SOX5: variants seen among roughly 807,000 people sequenced by gnomAD.
SOX5 encodes the protein SRY-box transcription factor 5, also known as transcription factor SOX-5.
In SOX5, 9 loss-of-function variants were observed where a neutral mutation model predicts 92.0. The ratio of observed to expected loss-of-function variants is 0.10; its 90% CI spans 0.06 to 0.17. The LOEUF is 0.17. SOX5 is among the 10% of genes least tolerant of loss of function. The pLI, the probability that SOX5 is intolerant of heterozygous loss-of-function variation, is 1.00. For synonymous variants in SOX5, 344 were observed against 336.3 expected, an observed-to-expected ratio of 1.02 and a Z score of -0.25; for missense variants, 642 against 944.5, an observed-to-expected ratio of 0.68 and a Z score of 4.20.
chr12:24,338,464 T>C (rs1365845304), intron 2 of SOX5, among the ~76,000 whole-genome samples: 1 of 152,224 alleles, frequency 6.6e-6, no homozygotes, highest in Non-Finnish European at 1.5e-5. Context: ...GTGAAATGAA[T>C]ATATTATACT....
chr12:23,829,068 T>A (rs1159199386), intron 3 of SOX5, among the ~76,000 whole-genome samples: 1 of 151,972 alleles, frequency 6.6e-6, no homozygotes, highest in African/African-American at 2.4e-5. Flanking sequence ...GAGTGAGCTC[T>A]CCACTGACTC....
intron 2 of SOX5, among the ~76,000 whole-genome samples, chr12:23,889,696 T>C (rs1237418134): frequency 6.6e-6 from 1 of 152,142 alleles, no homozygotes; most frequent in African/African-American, 2.4e-5. Flanking sequence ...CTACAGAAGA[T>C]CAACTTTAAA....
intron 4 of SOX5, chr12:24,212,444 G>C: frequency 1.9e-6 from 1 of 534,150 alleles, no homozygotes; most frequent in East Asian, 5.5e-5. Flanking sequence ...AGAAGACCTG[G>C]ATGTGTAGGA....
At chr12:24,489,784 T>A (rs1195593222) in intron 1 of SOX5, among the ~76,000 whole-genome samples, 2 of 152,298 alleles carry the variant, frequency 1.3e-5, no homozygotes, top group East Asian at 3.9e-4. Context: ...ACATCCCTTA[T>A]CAGCAAACAA....
At chr12:24,313,578 G>A (rs952072962) in intron 2 of SOX5, among the ~76,000 whole-genome samples, 10 of 152,126 alleles carry the variant, frequency 6.6e-5, no homozygotes, top group Non-Finnish European at 1.3e-4. Flanking sequence ...GTTCTGGCAG[G>A]ACTTTGTTCA....
intron 1 of SOX5, among the ~76,000 whole-genome samples, chr12:24,420,693 A>G (rs1965775048): frequency 6.6e-6 from 1 of 152,240 alleles, no homozygotes; most frequent in Non-Finnish European, 1.5e-5. Context: ...CACAGTTAGT[A>G]AATGAAAACA....
intron 1 of SOX5, among the ~76,000 whole-genome samples, chr12:24,541,945 T>C (rs182961394): frequency 6.6e-6 from 1 of 152,228 alleles, no homozygotes; most frequent in Non-Finnish European, 1.5e-5. Context: ...TGAATAGTTT[T>C]CAGAATAAGG....
At chr12:23,883,835 T>C (rs2097028374) in intron 2 of SOX5, among the ~76,000 whole-genome samples, 1 of 152,202 alleles carries the variant, frequency 6.6e-6, no homozygotes, top group Admixed American at 6.5e-5. Flanking sequence ...CAAAATAATG[T>C]CTGCAAATAA....
At chr12:24,284,167 CA>C (rs1482819814) in intron 2 of SOX5, among the ~76,000 whole-genome samples, 1 of 152,180 alleles carries the variant, frequency 6.6e-6, no homozygotes, top group Non-Finnish European at 1.5e-5. Flanking sequence ...TAGAGAACAA[CA>C]GGAAATTCTA....
At chr12:23,571,098 A>G (rs1948292417) in intron 10 of SOX5, among the ~76,000 whole-genome samples, 1 of 148,166 alleles carries the variant, frequency 6.7e-6, no homozygotes, top group South Asian at 2.1e-4. Flanking sequence ...GCCAACCACT[A>G]CACTCCAGCC....
At chr12:23,701,714 A>G (rs1199183501) in intron 6 of SOX5, among the ~76,000 whole-genome samples, 2 of 152,046 alleles carry the variant, frequency 1.3e-5, no homozygotes, top group East Asian at 1.9e-4. Flanking sequence ...TCCCCCAGCA[A>G]GAATAGATTT....
chr12:23,539,756 G>A (rs946060190), intron 13 of SOX5, among the ~76,000 whole-genome samples: 3 of 152,152 alleles, frequency 2.0e-5, no homozygotes, highest in Non-Finnish European at 4.4e-5. Flanking sequence ...ATTTCTTTGA[G>A]AGTATCACTG....
intron 1 of SOX5, among the ~76,000 whole-genome samples, chr12:23,908,267 C>T (rs185112968): frequency 6.6e-6 from 1 of 152,162 alleles, no homozygotes; most frequent in Non-Finnish European, 1.5e-5. Flanking sequence ...ATGCTTCCCC[C>T]CAGCAGAAAT....
At chr12:24,449,323 A>G (rs1941940405) in intron 1 of SOX5, among the ~76,000 whole-genome samples, 1 of 152,186 alleles carries the variant, frequency 6.6e-6, no homozygotes, top group South Asian at 2.1e-4. Flanking sequence ...CTCCAACCAC[A>G]TTAGTCTTCT....
intron 1 of SOX5, among the ~76,000 whole-genome samples, chr12:23,917,062 C>T (rs2097424404): frequency 6.6e-6 from 1 of 152,126 alleles, no homozygotes; most frequent in South Asian, 2.1e-4. Flanking sequence ...TGAACTATTC[C>T]TTAATTCATT....
chr12:23,601,120 C>G (rs1488880787), intron 9 of SOX5, among the ~76,000 whole-genome samples: 1 of 152,084 alleles, frequency 6.6e-6, no homozygotes, highest in Non-Finnish European at 1.5e-5. Flanking sequence ...TTCTCTCTCG[C>G]GCACACACTC....
chr12:24,529,171 C>T (rs1410697604), intron 1 of SOX5, among the ~76,000 whole-genome samples: 1 of 152,094 alleles, frequency 6.6e-6, no homozygotes, highest in Non-Finnish European at 1.5e-5. Context: ...TCAGCACAAG[C>T]CCAGTTACTA....
chr12:24,537,437 T>C (rs1951740290), intron 1 of SOX5, among the ~76,000 whole-genome samples: 1 of 152,226 alleles, frequency 6.6e-6, no homozygotes, highest in Non-Finnish European at 1.5e-5. Flanking sequence ...CTAAGAATCT[T>C]GTTTAGTTCT....
chr12:24,347,813 C>A (rs1953505291), intron 2 of SOX5, among the ~76,000 whole-genome samples: 1 of 152,048 alleles, frequency 6.6e-6, no homozygotes, highest in African/African-American at 2.4e-5. Flanking sequence ...CAGGTTTTAG[C>A]AAAGTTAGCA....
Sources: allele counts gnomAD v4.1 joint callset (sites outside exome capture counted in the v4.1 genomes callset), GRCh38; gene constraint gnomAD v4.1.1; transcripts MANE v1.5; gene names NCBI Gene and HGNC (gene_info 2026-07-23, HGNC 2026-07-21).